The following OCA2 variants were observed in gnomAD, a reference collection of about 807,000 sequenced individuals.
OCA2 encodes OCA2 melanosomal transmembrane protein.
Under a neutral mutation model 100.2 loss-of-function variants are expected in OCA2, and 77 were observed. The observed-to-expected ratio is 0.77, with a 90% CI of 0.64 to 0.93. The LOEUF is 0.93. OCA2 is among the 40% of genes least tolerant of loss of function. The pLI is 0.00. For missense variants in OCA2, 1,062 were observed against 1,089.1 expected (o/e 0.98, Z 0.35); for synonymous variants, 432 against 439.2 (o/e 0.98, Z 0.21).
At chr15:27,750,882 T>C (rs2030042942), downstream of OCA2, among the ~76,000 whole-genome samples, 1 of 152,202 alleles carries the variant, frequency 6.6e-6, no homozygotes, top group African/African-American at 2.4e-5. Flanking sequence ...AATCTGGACC[T>C]GGGGAGAAGC....
chr15:28,014,990 G>C, intron 8 of OCA2, 61 bp from the exon 9 acceptor site: 1 of 1,550,714 alleles, frequency 6.4e-7, no homozygotes, highest in Non-Finnish European at 8.9e-7. Context: ...ACCTCCCTCT[G>C]TATCAGCCAT....
intron 1 of OCA2, among the ~76,000 whole-genome samples, chr15:28,083,897 A>T (rs571177524): frequency 1.6e-4 from 24 of 152,324 alleles, no homozygotes; most frequent in African/African-American, 5.5e-4. Flanking sequence ...CCAGGGCGCC[A>T]TTGCCCCTCC....
At chr15:27,927,647 G>T (rs2594921) in intron 18 of OCA2, among the ~76,000 whole-genome samples, 107,192 of 152,010 alleles carry the variant, frequency 0.71, 38,601 homozygotes, top group East Asian at 1. Flanking sequence ...ACCAGCAGTG[G>T]ATGAGAATTC....
chr15:27,807,043 G>A (rs911439225), intron 23 of OCA2, among the ~76,000 whole-genome samples: 4 of 152,192 alleles, frequency 2.6e-5, no homozygotes, highest in Non-Finnish European at 2.9e-5. Context: ...TGGACCGACC[G>A]GCCCTGCCTC....
chr15:28,084,783 C>T (rs1462703298), intron 1 of OCA2, among the ~76,000 whole-genome samples: 4 of 152,190 alleles, frequency 2.6e-5, no homozygotes, highest in African/African-American at 9.6e-5. Context: ...TACAGGAGGC[C>T]CCCTCAGAGG....
intron 20 of OCA2, 73 bp from the exon 21 acceptor site, chr15:27,871,331 T>C (rs891797107): frequency 9.6e-6 from 11 of 1,141,286 alleles, no homozygotes; most frequent in African/African-American, 3.0e-5. Context: ...GCCGCGAGAC[T>C]CAGAGGGGCC....
At position 27,985,010 on chromosome 15, in the gene OCA2, C is replaced by A. The variant is rs571044607; in HGVS notation, c.1364+54G>T. The stretch of plus-strand genomic sequence containing the variant: ...CTGGAGCCAGGCAGTGCAGGCAGAG[C>A]CCCTGCCTGCCAGAACCTGGCCGCA... On this transcript the variant is annotated intron_variant, in intron 13 of 23. Transcript: ENST00000354638. The A allele has an allele frequency of 1.6e-5, 26 of 1,603,312 alleles. No individual in the cohort carries two copies. The East Asian group carries it at 5.6e-4, about 35-fold the overall frequency.
At chr15:27,950,572 G>A in intron 18 of OCA2, 1 of 517,268 alleles carries the variant, frequency 1.9e-6, no homozygotes, top group Non-Finnish European at 3.9e-6. Flanking sequence ...CACCTGGCAA[G>A]TTGGATTTGA....
intron 18 of OCA2, among the ~76,000 whole-genome samples, chr15:27,932,397 C>G (rs1437723085): frequency 1.3e-5 from 2 of 152,038 alleles, no homozygotes; most frequent in Non-Finnish European, 1.5e-5. Context: ...TAATGCGCCA[C>G]CTGAGGAATA....
chr15:27,887,274 G>T (rs906909044), intron 19 of OCA2, among the ~76,000 whole-genome samples: 3 of 151,996 alleles, frequency 2.0e-5, no homozygotes, highest in African/African-American at 7.3e-5. Flanking sequence ...CCAGGAAAAT[G>T]GGAACAGCAC....
At chr15:27,819,112 G>C (rs1173241500) in intron 23 of OCA2, among the ~76,000 whole-genome samples, 2 of 152,186 alleles carry the variant, frequency 1.3e-5, no homozygotes, top group Admixed American at 1.3e-4. Flanking sequence ...GAATCATTCT[G>C]TTTCCTCAGC....
chr15:28,017,434 T>A (rs1376902768), intron 7 of OCA2, among the ~76,000 whole-genome samples: 1 of 152,156 alleles, frequency 6.6e-6, no homozygotes, highest in African/African-American at 2.4e-5. Flanking sequence ...CCTGCCCTTC[T>A]CCATGCAAGT....
chr15:27,889,033 C>T (rs909501671), intron 19 of OCA2, among the ~76,000 whole-genome samples: 1 of 152,134 alleles, frequency 6.6e-6, no homozygotes, highest in African/African-American at 2.4e-5. Context: ...TCAAGGAAGG[C>T]TTCCTAGAAG....
chr15:27,759,648 A>G (rs1206960052), intron 23 of OCA2, among the ~76,000 whole-genome samples: 1 of 152,108 alleles, frequency 6.6e-6, no homozygotes, highest in Non-Finnish European at 1.5e-5. Context: ...GTATTCACCA[A>G]ATAACTGAGC....
intron 19 of OCA2, among the ~76,000 whole-genome samples, chr15:27,893,097 C>T (rs1442943881): frequency 1.3e-5 from 2 of 152,126 alleles, no homozygotes; most frequent in Admixed American, 6.6e-5. Context: ...TTCCAGACTC[C>T]TGGTTTTATT....
chr15:27,851,478 G>A lies in OCA2; in HGVS notation c.2245-3C>T. The stretch of plus-strand genomic sequence containing the variant: ...CTCAGGTTCAGGAGCACGGGAATCT[G>A]TGGAGGAAGAGGACATTGATGCCAC... On this transcript the variant is annotated splice_polypyrimidine_tract_variant and splice_region_variant and intron_variant, in intron 21 of 23. Transcript: ENST00000354638. The A allele has an allele frequency of 6.2e-7, 1 of 1,612,298 alleles. No individual in the cohort carries two copies. The highest frequency in any genetic ancestry group is 8.5e-7 in the Non-Finnish European group (1 of 1,179,146).
intron 15 of OCA2, among the ~76,000 whole-genome samples, chr15:27,962,848 C>T (rs1446095706): frequency 6.6e-6 from 1 of 152,100 alleles, no homozygotes; most frequent in Non-Finnish European, 1.5e-5. Context: ...AAGAGACAGA[C>T]TATCAGAGTA....
intron 19 of OCA2, among the ~76,000 whole-genome samples, chr15:27,900,035 T>C (rs2037863880): frequency 1.3e-5 from 2 of 152,156 alleles, no homozygotes; most frequent in African/African-American, 2.4e-5. Context: ...TGAGGTGGGA[T>C]AGGCAGTCAA....
intron 19 of OCA2, 83 bp downstream of exon 19, chr15:27,926,044 G>T: frequency 6.8e-7 from 1 of 1,469,484 alleles, no homozygotes; most frequent in South Asian, 1.1e-5. Context: ...ATTAATAGAT[G>T]TAGGCTTTCT....
Sources: allele counts gnomAD v4.1 joint callset (sites outside exome capture counted in the v4.1 genomes callset), GRCh38; gene constraint gnomAD v4.1.1; transcripts MANE v1.5; gene names NCBI Gene and HGNC (gene_info 2026-07-23, HGNC 2026-07-21).